The following MEST variants were observed in gnomAD, a reference collection of about 807,000 sequenced individuals.
The protein encoded by MEST is mesoderm-specific transcript homolog protein.
Under a neutral mutation model 50.9 loss-of-function variants are expected in MEST, and 18 were observed. The ratio of observed to expected loss-of-function variants is 0.35; its 90% CI spans 0.24 to 0.52. The LOEUF (loss-of-function observed/expected upper bound fraction) is 0.52. MEST is among the 20% of genes least tolerant of loss of function. MEST has a pLI of 0.94. For synonymous variants in MEST, 130 were observed against 154.1 expected, an observed-to-expected ratio of 0.84 and a Z score of 1.16; for missense variants, 282 against 425.3, an observed-to-expected ratio of 0.66 and a Z score of 2.96.
rs1046509685 is a variant in MEST at position 130,497,299 on chromosome 7, C to T, written c.261+64C>T. ...AAAATCTCGGCCGGGCGCGGGGGCT[C>T]AAATCCTAGCACTTTGGGAGGCTGA... On this transcript the variant is annotated intron_variant, in intron 3 of 11. Coordinates refer to ENST00000223215, the MANE Select transcript of MEST (RefSeq NM_002402.4). This position sits in a 1 kb window ranked among gnomAD's most constrained non-coding sequence, Gnocchi z 4.0. 1 of 1,364,216 alleles carries T rather than the reference C, an allele frequency of 7.3e-7. No individual in the cohort carries two copies. The highest frequency in any genetic ancestry group is 1.0e-6 in the Non-Finnish European group (1 of 972,402). 84.5% of individuals were successfully genotyped at this position (1,364,216 alleles called of 1,614,324 possible).
intron 6 of MEST, chr7:130,498,945 C>T (rs1799173628): frequency 6.2e-6 from 1 of 160,100 alleles, no homozygotes. Context: ...AAAATCCTTA[C>T]TTAATGTCAT....
chr7:130,497,217 C>T lies in MEST; in HGVS notation c.243C>T (p.Ser81=), dbSNP rs1554437251. 6.2e-7 allele frequency: 1 copy of T among 1,612,972 alleles called. No homozygotes were observed. Among genetic ancestry groups the T allele is most frequent in the Non-Finnish European group, 8.5e-7 (1 of 1,179,546 alleles). ...TGCTTTTACACGGTTTTCCAACATCCAGCTACGACTGGTACAAGGTAATGA... is the reference window on the plus strand; with the variant it reads ...TGCTTTTACACGGTTTTCCAACATCTAGCTACGACTGGTACAAGGTAATGA... The part of the protein sequence containing the change: ...IVVLLHGFPT[S]SYDWYKIWEG... The change falls in exon 3 of 12, where the codon TCC becomes TCT. Residue 81 remains serine, a synonymous_variant. Transcript: ENST00000223215. This position sits in a 1 kb window ranked among gnomAD's most constrained non-coding sequence, Gnocchi z 4.0.
At chr7:130,494,142 A>C (rs1336678212) in intron 1 of MEST, among the ~76,000 whole-genome samples, 4 of 152,346 alleles carry the variant, frequency 2.6e-5, no homozygotes, top group Middle Eastern at 3.4e-3. Flanking sequence ...AGATTTTAGC[A>C]AAAAGTATCA....
intron 1 of MEST, 80 bp from the exon 2 acceptor site, chr7:130,495,288 C>T (rs1159009163): frequency 7.1e-7 from 1 of 1,416,532 alleles, no homozygotes; most frequent in African/African-American, 1.4e-5. Context: ...ATCTCCCACC[C>T]CATCTTACCA....
At chr7:130,498,362 C>T (rs367576210) in intron 5 of MEST, 57 bp from the exon 6 acceptor site, 133 of 1,609,564 alleles carry the variant, frequency 8.3e-5, no homozygotes, top group Non-Finnish European at 1.1e-4. Flanking sequence ...TCGTTTTCAG[C>T]GGTGCACTGG....
rs1192991796 is a variant in MEST at position 130,505,282 on chromosome 7, T to TG, written c.*226_*227insG. ...CATTACTTTGATATCTGATCAAATG[T>TG]ATAGACTTGGCTTTGTTTTTTGTGC... is the stretch of plus-strand genomic sequence containing the variant. On this transcript the variant is annotated 3_prime_UTR_variant, in exon 12 of 12. Coordinates refer to ENST00000223215, the MANE Select transcript of MEST (RefSeq NM_002402.4). 2.5e-6 allele frequency: 1 copy of TG among 398,338 alleles called. No individual in the cohort carries two copies. The highest frequency in any genetic ancestry group is 2.0e-5 in the African/African-American group (1 of 50,564). The allele number at this position is 398,338 out of a possible 1,614,324, so 24.7% of individuals were successfully genotyped here.
chr7:130,505,272 T>C lies in MEST; in HGVS notation c.*216T>C. 2.2e-6 allele frequency: 1 copy of C among 447,676 alleles called. No individual in the cohort carries two copies. 27.7% of individuals were successfully genotyped at this position (447,676 alleles called of 1,614,324 possible). On this transcript the variant is annotated 3_prime_UTR_variant, in exon 12 of 12. Coordinates refer to ENST00000223215, the MANE Select transcript of MEST (RefSeq NM_002402.4). ...GTCCACCTCCCATTACTTTGATATCTGATCAAATGTATAGACTTGGCTTTG... is the reference window on the plus strand; with the variant it reads ...GTCCACCTCCCATTACTTTGATATCCGATCAAATGTATAGACTTGGCTTTG...
At position 130,505,619 on chromosome 7, in the gene MEST, T is replaced by C. The variant is rs1280674416; in HGVS notation, c.*563T>C. The C allele has an allele frequency of 3.9e-5, 6 of 152,560 alleles. No homozygotes were observed. The East Asian group carries it at 5.8e-4, about 15-fold the overall frequency. The allele number at this position is 152,560 out of a possible 1,614,324, so 9.5% of individuals were successfully genotyped here. On this transcript the variant is annotated 3_prime_UTR_variant, in exon 12 of 12. Transcript: ENST00000223215. ...TATAAACATTTTGTTAAAATAGATATTGGTTTAAATGATACAGTATTTTAG... is the reference window on the plus strand; with the variant it reads ...TATAAACATTTTGTTAAAATAGATACTGGTTTAAATGATACAGTATTTTAG...
At chr7:130,496,886 T>C in intron 2 of MEST, 2 of 268,106 alleles carry the variant, frequency 7.5e-6, no homozygotes, top group Non-Finnish European at 7.1e-6. Flanking sequence ...GAGATGCTGT[T>C]TAAAAACACC....
intron 11 of MEST, 31 bp from the exon 12 acceptor site, chr7:130,504,908 A>G (rs1554439491): frequency 1.9e-6 from 3 of 1,573,078 alleles, no homozygotes; most frequent in South Asian, 2.2e-5. Context: ...TCCAGCCTCA[A>G]GTTCACCTGC....
rs191958175 is a variant in MEST, at chr7:130,505,124, A to G, written c.*68A>G. The G allele has an allele frequency of 1.4e-5, 16 of 1,165,760 alleles. No homozygotes were observed. In the East Asian group the frequency reaches 3.8e-4, roughly 27 times the overall value. The allele number at this position is 1,165,760 out of a possible 1,614,324, so 72.2% of individuals were successfully genotyped here. On this transcript the variant is annotated 3_prime_UTR_variant, in exon 12 of 12. Transcript: ENST00000223215. ...TATGTGTTGTGTATTCCACTTAGGA[A>G]GAAATGCCCAAAAGAGGTCCTGGCC...
Position 130,492,527 on chromosome 7 carries a change from A to G in MEST, c.26+188A>G, listed in dbSNP as rs1798867343. 4.8e-6 allele frequency: 2 copies of G among 414,318 alleles called. No homozygotes were observed. The highest frequency in any genetic ancestry group is 8.9e-5 in the Admixed American group (2 of 22,384). The allele number at this position is 414,318 out of a possible 1,614,324, so 25.7% of individuals were successfully genotyped here. A position where few individuals can be genotyped will look rare whatever the true frequency, so the allele number is the denominator to read the frequency against. Reference sequence around the variant, plus strand: ...GGGGTGTCACTCCTGCCCGCAATGGAATGTTCAGAACGCGGGACCTCCTTG... The same window carrying G: ...GGGGTGTCACTCCTGCCCGCAATGGGATGTTCAGAACGCGGGACCTCCTTG... On this transcript the variant is annotated intron_variant, in intron 1 of 11. Transcript: ENST00000223215. This position sits in a 1 kb window ranked among gnomAD's most constrained non-coding sequence, Gnocchi z 7.6.
chr7:130,502,545 GA>G, intron 9 of MEST, 98 bp from the exon 10 acceptor site: 1 of 877,262 alleles, frequency 1.1e-6, no homozygotes, highest in East Asian at 2.4e-5. Context: ...TCTGGATTAA[GA>G]AATTGTATCT....
rs551376794 is a variant in MEST, at chr7:130,498,193, C to T, written c.394C>T (p.Arg132Trp). 15 of 1,614,140 alleles carry T rather than the reference C, an allele frequency of 9.3e-6. No individual in the cohort carries two copies. Among genetic ancestry groups the T allele is most frequent in the South Asian group, 3.3e-5 (3 of 91,076 alleles). The change falls in exon 5 of 12, where the codon CGG becomes TGG. Residue 132 changes from arginine (R) to tryptophan (W), a missense_variant. Arg to Trp is a moderately radical substitution (Grantham distance 101). Coordinates refer to ENST00000223215, the MANE Select transcript of MEST (RefSeq NM_002402.4). Reference protein sequence around the residue: ...EQASIVEALLRHLGLQNRRIN... With the variant: ...EQASIVEALLWHLGLQNRRIN... Reference sequence around the variant, plus strand: ...GGCCAGCATCGTGGAAGCGCTTTTGCGGCATCTGGGGCTCCAGAACCGCAG... The same window carrying T: ...GGCCAGCATCGTGGAAGCGCTTTTGTGGCATCTGGGGCTCCAGAACCGCAG...
rs1799439496 is a variant in MEST, at chr7:130,505,332, A to G, written c.*276A>G. The G allele has an allele frequency of 1.6e-5, 4 of 256,732 alleles. No individual in the cohort carries two copies. The South Asian group carries it at 3.4e-4, about 22-fold the overall frequency. 15.9% of individuals were successfully genotyped at this position (256,732 alleles called of 1,614,324 possible). ...CTATTAGGAAATTCTGATGAGCATTACTATTCACTGATGCAGAAAGACGTT... is the reference window on the plus strand; with the variant it reads ...CTATTAGGAAATTCTGATGAGCATTGCTATTCACTGATGCAGAAAGACGTT... On this transcript the variant is annotated 3_prime_UTR_variant, in exon 12 of 12. Transcript: ENST00000223215.
upstream of MEST, chr7:130,487,763 C>T (rs1563015844): frequency 6.6e-6 from 1 of 152,304 alleles, no homozygotes; most frequent in Non-Finnish European, 1.5e-5. Flanking sequence ...TCTCCTGCCT[C>T]AGCCTCCCAA....
chr7:130,497,460 G>C lies in MEST; in HGVS notation c.261+225G>C, dbSNP rs1584945434. The C allele has an allele frequency of 3.1e-6, 1 of 320,268 alleles. No homozygotes were observed. The highest frequency in any genetic ancestry group is 5.7e-6 in the Non-Finnish European group (1 of 174,134). 19.8% of individuals were successfully genotyped at this position (320,268 alleles called of 1,614,324 possible). A position where few individuals can be genotyped will look rare whatever the true frequency, so the allele number is the denominator to read the frequency against. On this transcript the variant is annotated intron_variant, in intron 3 of 11. Coordinates refer to ENST00000223215, the MANE Select transcript of MEST (RefSeq NM_002402.4). The surrounding 1 kb of genome is among the most constrained non-coding windows in gnomAD (Gnocchi z 4.0). Reference sequence around the variant, plus strand: ...TAATCCCAGCTACTTGGGAGGCTGAGGCAGGAGAATCGCTTGAACCCGGGA... The same window carrying C: ...TAATCCCAGCTACTTGGGAGGCTGACGCAGGAGAATCGCTTGAACCCGGGA...
rs1799455196 is a variant in MEST at position 130,505,783 on chromosome 7, T to G, written c.*727T>G. The G allele has an allele frequency of 6.6e-6, 1 of 152,216 alleles. No individual in the cohort carries two copies. Among genetic ancestry groups the G allele is most frequent in the Non-Finnish European group, 1.5e-5 (1 of 68,024 alleles). 9.4% of individuals were successfully genotyped at this position (152,216 alleles called of 1,614,324 possible). On this transcript the variant is annotated 3_prime_UTR_variant, in exon 12 of 12. Transcript: ENST00000223215. Reference sequence around the variant, plus strand: ...TGAATAAATTGAACTAAATCCAAACTATTTCCTAAAATCACAGGACATTAA... The same window carrying G: ...TGAATAAATTGAACTAAATCCAAACGATTTCCTAAAATCACAGGACATTAA...
rs368730428 is a variant in MEST, at chr7:130,505,584, T to G, written c.*528T>G. The G allele has an allele frequency of 3.0e-4, 46 of 152,670 alleles. No homozygotes were observed. The highest frequency in any genetic ancestry group is 9.1e-4 in the African/African-American group (38 of 41,570). 9.5% of individuals were successfully genotyped at this position (152,670 alleles called of 1,614,324 possible). On this transcript the variant is annotated 3_prime_UTR_variant, in exon 12 of 12. Coordinates refer to ENST00000223215, the MANE Select transcript of MEST (RefSeq NM_002402.4). Reference sequence around the variant, plus strand: ...CCTTTGGATTTAGTGTTTCATCAGCTGTTTTTAGTTATAAACATTTTGTTA... The same window carrying G: ...CCTTTGGATTTAGTGTTTCATCAGCGGTTTTTAGTTATAAACATTTTGTTA...
Sources: gnomAD v4.1 joint callset for allele counts (sites outside exome capture counted in the v4.1 genomes callset) on GRCh38, gnomAD v4.1.1 for gene constraint, Gnocchi (gnomAD v3.1) non-coding constraint, MANE v1.5 for transcripts, NCBI Gene and HGNC (gene_info 2026-07-23, HGNC 2026-07-21) for gene names.